The following KCNQ1 variants were observed in gnomAD, a reference collection of about 807,000 sequenced individuals.
KCNQ1 encodes the protein potassium voltage-gated channel subfamily Q member 1, also known as potassium voltage-gated channel subfamily KQT member 1.
Under a neutral mutation model 72.4 loss-of-function variants are expected in KCNQ1, and 49 were observed. The ratio of observed to expected loss-of-function variants is 0.68; its 90% CI spans 0.54 to 0.86. The LOEUF is 0.86. KCNQ1 is among the 40% of genes least tolerant of loss of function. The pLI, the probability that KCNQ1 is intolerant of heterozygous loss-of-function variation, is 0.00. For missense variants in KCNQ1, 790 were observed against 945.1 expected, an observed-to-expected ratio of 0.84 and a Z score of 2.15; for synonymous variants, 450 against 412.6, an observed-to-expected ratio of 1.09 and a Z score of -1.10.
At chr11:2,700,026 C>T in intron 11 of KCNQ1, 4 of 398,230 alleles carry the variant, frequency 1.0e-5, no homozygotes, top group African/African-American at 6.2e-5. Flanking sequence ...TCCGACTGCC[C>T]CCGCCGCTGC....
At position 2,712,322 on chromosome 11, in the gene KCNQ1, G is replaced by C. The variant is rs1254932368; in HGVS notation, c.1514+50241G>C. Among the ~76,000 whole-genome samples the C allele has an allele frequency of 6.6e-6, 1 of 152,104 alleles. No individual in the cohort carries two copies. Among genetic ancestry groups the C allele is most frequent in the Non-Finnish European group, 1.5e-5 (1 of 68,008 alleles). On this transcript the variant is annotated intron_variant, in intron 11 of 15. Transcript: ENST00000155840. This position sits in a 1 kb window ranked among gnomAD's most constrained non-coding sequence, Gnocchi z 6.4. ...GCCTGGGGGAAGCAGACTCTAGCTGGGCAGCCTGGCCTCAGGAGATCATCA... is the reference window on the plus strand; with the variant it reads ...GCCTGGGGGAAGCAGACTCTAGCTGCGCAGCCTGGCCTCAGGAGATCATCA...
chr11:2,800,296 A>G (rs1212751837), intron 15 of KCNQ1, among the ~76,000 whole-genome samples: 1 of 152,216 alleles, frequency 6.6e-6, no homozygotes, highest in African/African-American at 2.4e-5. Flanking sequence ...TAACCCTGCA[A>G]AGAGGGGGCT....
chr11:2,496,609 C>T (rs914356706), intron 1 of KCNQ1, among the ~76,000 whole-genome samples: 6 of 144,440 alleles, frequency 4.2e-5, no homozygotes, highest in African/African-American at 1.5e-4. Flanking sequence ...CTGAATAAAG[C>T]ACACTGATGG....
At chr11:2,628,021 G>A (rs1217185951) in intron 10 of KCNQ1, 1 of 398,384 alleles carries the variant, frequency 2.5e-6, no homozygotes, top group African/African-American at 2.1e-5. Flanking sequence ...CCAAGTACTG[G>A]GATTACAGGT....
intron 2 of KCNQ1, 29 bp from the exon 3 acceptor site, chr11:2,570,598 TG>T (rs1282819932): frequency 3.7e-6 from 6 of 1,610,404 alleles, no homozygotes; most frequent in Non-Finnish European, 5.1e-6. Context: ...CGAGCCTGCC[TG>T]CAGTGAGCGT....
chr11:2,662,056 C>G lies in KCNQ1; in HGVS notation c.1489C>G (p.Leu497Val), dbSNP rs1849968066. ...EDLDLEGETL[L>V]TPITHISQLR... ...CCTGGACCTGGAAGGGGAGACTCTG[C>G]TGACACCCATCACCCACATCTCACA... The change falls in exon 11 of 16, where the codon CTG becomes GTG. Residue 497 changes from leucine (L) to valine (V), a missense_variant. Physicochemically the swap from Leu to Val is conservative, Grantham distance 32 (BLOSUM62 1). Around this residue, in one of 5 missense-constraint regions of KCNQ1, gnomAD observed 178 missense variants for 177.9 expected, o/e 1.00. Coordinates refer to ENST00000155840, the MANE Select transcript of KCNQ1 (RefSeq NM_000218.3). 1 of 1,614,102 alleles carries G rather than the reference C, an allele frequency of 6.2e-7. No individual in the cohort carries two copies. Among genetic ancestry groups the G allele is most frequent in the Non-Finnish European group, 8.5e-7 (1 of 1,180,048 alleles).
intron 15 of KCNQ1, among the ~76,000 whole-genome samples, chr11:2,836,746 G>A (rs1448125469): frequency 2.0e-5 from 3 of 152,208 alleles, no homozygotes; most frequent in Admixed American, 6.5e-5. Context: ...CGCCTCACTC[G>A]TGCTAAACCT....
chr11:2,775,987 G>C lies in KCNQ1; in HGVS notation c.1618G>C (p.Asp540His). The C allele has an allele frequency of 6.4e-7, 1 of 1,569,500 alleles. No individual in the cohort carries two copies. Among genetic ancestry groups the C allele is most frequent in the Non-Finnish European group, 8.6e-7 (1 of 1,157,404 alleles). ...QQARKPYDVR[D>H]VIEQYSQGHL... The stretch of plus-strand genomic sequence containing the variant: ...AGCGCGGAAGCCTTACGATGTGCGG[G>C]ACGTCATTGAGCAGTACTCGCAGGG... Residue 540 changes from aspartate to histidine, a missense_variant, in exon 13 of 16, where the codon GAC (aspartate) becomes CAC (histidine). Asp to His is a moderately conservative substitution (Grantham distance 81). This residue lies in a region of KCNQ1 where 91 missense variants were observed against 139.1 expected (regional missense o/e 0.65). Coordinates refer to ENST00000155840, the MANE Select transcript of KCNQ1 (RefSeq NM_000218.3).
At chr11:2,700,164 C>G (rs7940500) in intron 11 of KCNQ1, among the ~76,000 whole-genome samples, 146,569 of 152,260 alleles carry the variant, frequency 0.96, 70,591 homozygotes, top group East Asian at 1. Context: ...GAAAGAGTCT[C>G]GTTTTGATGC....
At chr11:2,662,125 G>A in intron 11 of KCNQ1, 44 bp downstream of exon 11, 2 of 1,613,150 alleles carry the variant, frequency 1.2e-6, no homozygotes, top group Non-Finnish European at 1.7e-6. Context: ...GGAGGGGACT[G>A]GAGCTCAAGG....
chr11:2,652,671 T>C lies in KCNQ1; in HGVS notation c.1394-9290T>C, dbSNP rs1022705119. On this transcript the variant is annotated intron_variant, in intron 10 of 15. Transcript: ENST00000155840. This position sits in a 1 kb window ranked among gnomAD's most constrained non-coding sequence, Gnocchi z 5.9. ...CAGCATGGAGACCCGGGTGGGTCGA[T>C]TTTAGTTGTGTGGGTGGCTGTGTTG... The C allele has an allele frequency of 2.5e-6, 1 of 397,918 alleles. No individual in the cohort carries two copies. The highest frequency in any genetic ancestry group is 4.4e-6 in the Non-Finnish European group (1 of 225,978). The allele number at this position is 397,918 out of a possible 1,614,324, so 24.6% of individuals were successfully genotyped here.
rs1380522871 is a variant in KCNQ1, at chr11:2,458,659, GGATGGATGGATGGATGGATGGATGGATC to G, written c.386+13179_386+13206del. On this transcript the variant is annotated intron_variant, in intron 1 of 15. Coordinates refer to ENST00000155840, the MANE Select transcript of KCNQ1 (RefSeq NM_000218.3). This position sits in a 1 kb window ranked among gnomAD's most constrained non-coding sequence, Gnocchi z 4.6. Reference sequence around the variant, plus strand: ...TGGATGGATGGATGGATGGATGGATGGATGGATGGATGGATGGATGGATGGATCGATCGATCTCACCAAGCCTCGTGCT... The same window carrying G: ...TGGATGGATGGATGGATGGATGGATGGATCGATCTCACCAAGCCTCGTGCT... Among the ~76,000 whole-genome samples the G allele has an allele frequency of 3.4e-5, 3 of 87,770 alleles. No homozygotes were observed. Among genetic ancestry groups the G allele is most frequent in the South Asian group, 3.9e-4 (1 of 2,538 alleles). 57.6% of individuals were successfully genotyped at this position (87,770 alleles called of 152,430 possible). A position where few individuals can be genotyped will look rare whatever the true frequency, so the allele number is the denominator to read the frequency against.
chr11:2,817,615 C>T lies in KCNQ1; in HGVS notation c.1795-30152C>T, dbSNP rs1590108168. 6.6e-6 allele frequency among the ~76,000 whole-genome samples: 1 copy of T among 152,118 alleles called. No homozygotes were observed. The highest frequency in any genetic ancestry group is 2.4e-5 in the African/African-American group (1 of 41,418). Reference sequence around the variant, plus strand: ...GGAGGTGGAGGACGCTGGGCAGAGCCCTGGGCATTAACTCAGGGCCATCAC... The same window carrying T: ...GGAGGTGGAGGACGCTGGGCAGAGCTCTGGGCATTAACTCAGGGCCATCAC... On this transcript the variant is annotated intron_variant, in intron 15 of 15. Transcript: ENST00000155840. The surrounding 1 kb of genome is among the most constrained non-coding windows in gnomAD (Gnocchi z 6.1).
chr11:2,753,069 G>T (rs996657503), intron 11 of KCNQ1, among the ~76,000 whole-genome samples: 1 of 152,202 alleles, frequency 6.6e-6, no homozygotes, highest in Non-Finnish European at 1.5e-5. Flanking sequence ...AACCCAGGGG[G>T]AGGAGAGAAC....
intron 11 of KCNQ1, among the ~76,000 whole-genome samples, chr11:2,719,989 G>A (rs1355089798): frequency 3.9e-5 from 6 of 152,244 alleles, no homozygotes; most frequent in East Asian, 1.9e-4. Flanking sequence ...ACGCCTGGGC[G>A]GAGGTGGAGC....
In KCNQ1 at chr11:2,572,467, G is replaced by T. The variant is rs550324150; in HGVS notation, c.780+358G>T. On this transcript the variant is annotated intron_variant, in intron 5 of 15. Coordinates refer to ENST00000155840, the MANE Select transcript of KCNQ1 (RefSeq NM_000218.3). ...TCCCTCCCGAGGGCTGCACTCAGAT[G>T]GGTTCAGGCTGCACTGGCCCCTGGC... 5.6e-4 allele frequency among the ~76,000 whole-genome samples: 85 copies of T among 152,342 alleles called. 1 individual carries two copies. Among genetic ancestry groups the T allele is most frequent in the African/African-American group, 2.0e-3 (83 of 41,594 alleles).
intron 14 of KCNQ1, 48 bp from the exon 15 acceptor site, chr11:2,777,928 G>T (rs780222655): frequency 6.3e-7 from 1 of 1,585,228 alleles, no homozygotes; most frequent in South Asian, 1.1e-5. Flanking sequence ...TGGGGTCCCC[G>T]GCCCACCCCA....
rs529154789 is a variant in KCNQ1, at chr11:2,848,564, G to A, written c.*561G>A. 1.8e-5 allele frequency: 8 copies of A among 454,196 alleles called. No individual in the cohort carries two copies. Among genetic ancestry groups the A allele is most frequent in the South Asian group, 1.2e-4 (8 of 64,478 alleles). 28.1% of individuals were successfully genotyped at this position (454,196 alleles called of 1,614,324 possible). A position where few individuals can be genotyped will look rare whatever the true frequency, so the allele number is the denominator to read the frequency against. ...TCAGGAAATGCTGACCCATGGGCAG[G>A]AGACTGTGGAGACTGCTCCTGAGCC... On this transcript the variant is annotated 3_prime_UTR_variant, in exon 16 of 16. Transcript: ENST00000155840.
chr11:2,577,042 C>T (rs539209357), intron 6 of KCNQ1, among the ~76,000 whole-genome samples: 5 of 152,338 alleles, frequency 3.3e-5, no homozygotes, highest in East Asian at 1.9e-4. Flanking sequence ...ATGCAGGGCC[C>T]GCTGCAAGGG....
Sources: allele counts gnomAD v4.1 joint callset (sites outside exome capture counted in the v4.1 genomes callset), GRCh38; gene constraint gnomAD v4.1.1; regional missense constraint gnomAD v4.1.1; non-coding constraint Gnocchi (gnomAD v3.1); transcripts MANE v1.5; gene names NCBI Gene and HGNC (gene_info 2026-07-23, HGNC 2026-07-21).